Variants in COL5A1 observed in about 807,000 individuals in gnomAD.
COL5A1 encodes the protein collagen type V alpha 1 chain, also known as collagen alpha-1(V) chain.
In COL5A1, 16 loss-of-function variants were observed where a neutral mutation model predicts 263.7. The observed-to-expected ratio is 0.06, with a 90% CI of 0.04 to 0.09. COL5A1 has a LOEUF of 0.09. Ranked by LOEUF, COL5A1 falls within the 10% of genes least tolerant of loss-of-function variation. COL5A1 has a pLI of 1.00. For missense variants in COL5A1, 2,036 were observed against 2,540.5 expected, an observed-to-expected ratio of 0.80 and a Z score of 4.27; for synonymous variants, 1,012 against 1,004.5, an observed-to-expected ratio of 1.01 and a Z score of -0.14.
intron 18 of COL5A1, among the ~76,000 whole-genome samples, chr9:134,760,382 A>T (rs1208726229): frequency 1.2e-5 from 1 of 83,220 alleles, no homozygotes; most frequent in Non-Finnish European, 2.1e-5. Flanking sequence ...CCACACATGC[A>T]TACACACCCC....
chr9:134,835,104 C>T lies in COL5A1; in HGVS notation c.5270C>T (p.Thr1757Met), dbSNP rs2229817. 4.9e-3 allele frequency: 7,873 copies of T among 1,613,724 alleles called. 211 individuals carry two copies. In the East Asian group the frequency reaches 0.081, roughly 17 times the overall value. The change falls in exon 65 of 66, where the codon ACG becomes ATG. Residue 1757 changes from threonine to methionine, a missense_variant. Thr to Met is a moderately conservative substitution (Grantham distance 81). Transcript: ENST00000371817. ...TCAGTGGCCTGGCAGGACGCAGCCA[C>T]GGGCAGCTACGACAAGGCCCTCCGC... ...YQSVAWQDAA[T>M]GSYDKALRFL...
chr9:134,725,943 G>A (rs965018605), intron 4 of COL5A1, among the ~76,000 whole-genome samples: 16 of 152,204 alleles, frequency 1.1e-4, no homozygotes, highest in South Asian at 6.2e-4. Context: ...TTGAGTCCCT[G>A]TTTTGTTTGG....
chr9:134,704,320 G>A (rs3935335), intron 4 of COL5A1, among the ~76,000 whole-genome samples: 117,756 of 152,032 alleles, frequency 0.77, 46,052 homozygotes, highest in Admixed American at 0.83. Flanking sequence ...GGGAGGCACC[G>A]TGAGAATTAA....
chr9:134,683,278 G>A (rs58879506), intron 1 of COL5A1, among the ~76,000 whole-genome samples: 1,565 of 152,282 alleles, frequency 0.01, 24 homozygotes, highest in African/African-American at 0.034. Context: ...TGGCCATCCC[G>A]TCTCACCTCC....
At chr9:134,691,210 C>T (rs978418370) in intron 2 of COL5A1, 131 bp downstream of exon 2, 19 of 1,190,346 alleles carry the variant, frequency 1.6e-5, no homozygotes, top group East Asian at 9.8e-5. Context: ...CTCACGAGCC[C>T]GGCTTCGTTT....
intron 18 of COL5A1, among the ~76,000 whole-genome samples, chr9:134,761,306 C>T (rs192989257): frequency 2.6e-5 from 4 of 152,216 alleles, no homozygotes; most frequent in Non-Finnish European, 4.4e-5. Flanking sequence ...CACAGGCGCA[C>T]CCACACATCC....
At chr9:134,643,256 A>C (rs975025005) in intron 1 of COL5A1, among the ~76,000 whole-genome samples, 7 of 151,080 alleles carry the variant, frequency 4.6e-5, no homozygotes, top group Non-Finnish European at 7.4e-5. Context: ...CGAACATCAG[A>C]GCCCCCAGCC....
intron 11 of COL5A1, among the ~76,000 whole-genome samples, chr9:134,749,699 G>T (rs1380491257): frequency 6.6e-6 from 1 of 152,228 alleles, no homozygotes; most frequent in East Asian, 1.9e-4. Flanking sequence ...TGTAACTGGA[G>T]TGTAGTTGGT....
At chr9:134,702,340 C>T (rs959254581) in intron 4 of COL5A1, among the ~76,000 whole-genome samples, 1 of 152,224 alleles carries the variant, frequency 6.6e-6, no homozygotes, top group African/African-American at 2.4e-5. Context: ...TCCAGGGCTG[C>T]AGAGATGGGA....
intron 1 of COL5A1, among the ~76,000 whole-genome samples, chr9:134,648,550 A>G (rs1477197384): frequency 6.6e-6 from 1 of 151,978 alleles, no homozygotes; most frequent in East Asian, 1.9e-4. Context: ...CCCCATCTGT[A>G]AGAAGGGGGT....
At chr9:134,689,260 T>C (rs1588439524) in intron 1 of COL5A1, among the ~76,000 whole-genome samples, 1 of 152,094 alleles carries the variant, frequency 6.6e-6, no homozygotes, top group African/African-American at 2.4e-5. Flanking sequence ...CCATCCCATC[T>C]CACCTCCAAA....
intron 29 of COL5A1, among the ~76,000 whole-genome samples, chr9:134,783,756 G>T (rs1312275175): frequency 6.6e-6 from 1 of 152,204 alleles, no homozygotes; most frequent in East Asian, 1.9e-4. Flanking sequence ...GGGAAGGAAG[G>T]GGGAGGAAGG....
intron 4 of COL5A1, among the ~76,000 whole-genome samples, chr9:134,718,024 G>A (rs1321012417): frequency 2.0e-5 from 3 of 152,274 alleles, no homozygotes; most frequent in East Asian, 1.9e-4. Flanking sequence ...CCGCGGCCAC[G>A]GGAGCCTCTA....
chr9:134,702,654 G>A (rs1833714941), intron 4 of COL5A1, among the ~76,000 whole-genome samples: 1 of 152,260 alleles, frequency 6.6e-6, no homozygotes, highest in Non-Finnish European at 1.5e-5. Context: ...TTGAGCGTGT[G>A]AGAAGAGGGC....
chr9:134,739,234 A>C (rs949656203), intron 11 of COL5A1, among the ~76,000 whole-genome samples: 4 of 152,186 alleles, frequency 2.6e-5, no homozygotes, highest in African/African-American at 9.7e-5. Flanking sequence ...ACAGGCTCAG[A>C]GGCATCCTCG....
intron 25 of COL5A1, among the ~76,000 whole-genome samples, chr9:134,769,011 ATGCG>A (rs998442961): frequency 2.6e-5 from 4 of 152,204 alleles, no homozygotes; most frequent in Admixed American, 2.6e-4. Context: ...CACACTCAGA[ATGCG>A]TGCGTGCGTG....
intron 9 of COL5A1, among the ~76,000 whole-genome samples, chr9:134,737,514 G>C (rs1835146052): frequency 6.6e-6 from 1 of 152,212 alleles, no homozygotes; most frequent in Non-Finnish European, 1.5e-5. Context: ...GTCTTGTTGA[G>C]TAGCACCTGG....
intron 49 of COL5A1, among the ~76,000 whole-genome samples, 189 bp from the exon 50 acceptor site, chr9:134,814,608 C>T (rs1438195323): frequency 1.3e-5 from 2 of 152,224 alleles, no homozygotes; most frequent in Non-Finnish European, 2.9e-5. Context: ...TCAGGTCCCC[C>T]TCAGGGTGCA....
Position 134,700,920 on chromosome 9 carries a change from C to T in COL5A1, c.492-251C>T, listed in dbSNP as rs565297155. Among the ~76,000 whole-genome samples, 4 of 152,286 alleles carry T rather than the reference C, an allele frequency of 2.6e-5. No individual in the cohort carries two copies. Among genetic ancestry groups the T allele is most frequent in the East Asian group, 3.9e-4 (2 of 5,174 alleles). Reference sequence around the variant, plus strand: ...CCCTTCCCCCTTTCACTTGGGCTCCCGGCTGGGCTTCCAGGGTTCAGACAG... The same window carrying T: ...CCCTTCCCCCTTTCACTTGGGCTCCTGGCTGGGCTTCCAGGGTTCAGACAG... On this transcript the variant is annotated intron_variant, in intron 3 of 65. Coordinates refer to ENST00000371817, the MANE Select transcript of COL5A1 (RefSeq NM_000093.5). The surrounding 1 kb of genome is among the most constrained non-coding windows in gnomAD (Gnocchi z 4.0).
Sources: allele counts gnomAD v4.1 joint callset (sites outside exome capture counted in the v4.1 genomes callset), GRCh38; gene constraint gnomAD v4.1.1; non-coding constraint Gnocchi (gnomAD v3.1); transcripts MANE v1.5; gene names NCBI Gene and HGNC (gene_info 2026-07-23, HGNC 2026-07-21).